The following NFAT5 variants were observed in gnomAD, a reference collection of about 807,000 sequenced individuals.
NFAT5 encodes the protein nuclear factor of activated T-cells 5.
Under a neutral mutation model 166.5 loss-of-function variants are expected in NFAT5, and 31 were observed. The observed-to-expected ratio is 0.19, with a 90% CI of 0.14 to 0.25. The LOEUF (loss-of-function observed/expected upper bound fraction) is 0.25, where lower values mean the gene tolerates loss of function less well. Among genes scored for constraint, NFAT5 ranks in the 10% least tolerant of loss-of-function variants. The probability of loss-of-function intolerance (pLI) is 1.00; values close to 1 mark genes in which losing one functional copy is unlikely to be tolerated. For synonymous variants in NFAT5, 612 were observed against 639.7 expected (o/e 0.96, Z 0.65); for missense variants, 1,449 against 1,821.8 (o/e 0.80, Z 3.72).
In NFAT5 at chr16:69,566,459, G is replaced by C; in HGVS notation, c.73+85G>C. 8.4e-7 allele frequency: 1 copy of C among 1,191,440 alleles called. No individual in the cohort carries two copies. The highest frequency in any genetic ancestry group is 1.3e-5 in the South Asian group (1 of 76,560). 73.8% of individuals were successfully genotyped at this position (1,191,440 alleles called of 1,614,324 possible). A position where few individuals can be genotyped will look rare whatever the true frequency, so the allele number is the denominator to read the frequency against. ...GGGCCAGGGGAGGCGAGGGGTCCCC[G>C]TCCCGCCGGGGGCGGCTGAGCCGCG... On this transcript the variant is annotated intron_variant, in intron 1 of 14. Coordinates refer to ENST00000349945, the MANE Select transcript of NFAT5 (RefSeq NM_138713.4). The surrounding 1 kb of genome is among the most constrained non-coding windows in gnomAD (Gnocchi z 5.7).
chr16:69,669,960 C>G lies in NFAT5; in HGVS notation c.1370-17C>G. The G allele has an allele frequency of 6.4e-7, 1 of 1,555,134 alleles. No homozygotes were observed. The highest frequency in any genetic ancestry group is 8.6e-7 in the Non-Finnish European group (1 of 1,159,610). The stretch of plus-strand genomic sequence containing the variant: ...TTTTGGTGGTTCTTCTTATAGAATG[C>G]TTATGTATCTCCACAGCTCAGCCAG... On this transcript the variant is annotated splice_polypyrimidine_tract_variant and intron_variant, in intron 7 of 14. Transcript: ENST00000349945.
chr16:69,621,641 G>A (rs1245090999), intron 2 of NFAT5, among the ~76,000 whole-genome samples: 1 of 152,010 alleles, frequency 6.6e-6, no homozygotes, highest in African/African-American at 2.4e-5. Flanking sequence ...TGAAGTAGCC[G>A]GCACTTATTT....
At chr16:69,662,347 A>T (rs890783026) in intron 7 of NFAT5, among the ~76,000 whole-genome samples, 1 of 151,664 alleles carries the variant, frequency 6.6e-6, no homozygotes, top group Admixed American at 6.6e-5. Context: ...GAAGGATATG[A>T]TTCTTTTGGG....
At position 69,581,214 on chromosome 16, in the gene NFAT5, G is replaced by GT. The variant is rs1223466377; in HGVS notation, c.127+12667dup. Among the ~76,000 whole-genome samples, 4 of 152,178 alleles carry GT rather than the reference G, an allele frequency of 2.6e-5. No homozygotes were observed. The East Asian group carries it at 7.7e-4, about 29-fold the overall frequency. ...TGCCACCACGCCAGGCTAATTTTTT[G>GT]TATTTTTAGTAGAGGTGGGGTTTTG... On this transcript the variant is annotated intron_variant, in intron 2 of 14. Coordinates refer to ENST00000349945, the MANE Select transcript of NFAT5 (RefSeq NM_138713.4).
chr16:69,662,146 A>G (rs1027274115), intron 7 of NFAT5, among the ~76,000 whole-genome samples: 1 of 152,202 alleles, frequency 6.6e-6, no homozygotes, highest in Non-Finnish European at 1.5e-5. Context: ...TAGCTGTGTG[A>G]ATAAAGTACA....
chr16:69,686,226 G>A (rs901101985), intron 11 of NFAT5, among the ~76,000 whole-genome samples: 2 of 151,950 alleles, frequency 1.3e-5, no homozygotes, highest in African/African-American at 2.4e-5. Context: ...GGTGATGTGT[G>A]CCTGTAATCC....
In NFAT5 at chr16:69,596,628, G is replaced by A. The variant is rs569348581; in HGVS notation, c.127+28080G>A. Among the ~76,000 whole-genome samples the A allele has an allele frequency of 2.2e-4, 34 of 151,210 alleles. No individual in the cohort carries two copies. The South Asian group carries it at 6.5e-3, about 29-fold the overall frequency. Reference sequence around the variant, plus strand: ...AGCTACTCAGGAGGCTGACGCAGGAGAATCGCTTGAACCCGGGAGGCAGAG... The same window carrying A: ...AGCTACTCAGGAGGCTGACGCAGGAAAATCGCTTGAACCCGGGAGGCAGAG... On this transcript the variant is annotated intron_variant, in intron 2 of 14. Coordinates refer to ENST00000349945, the MANE Select transcript of NFAT5 (RefSeq NM_138713.4).
At chr16:69,662,662 G>A (rs974177738) in intron 7 of NFAT5, among the ~76,000 whole-genome samples, 3 of 151,874 alleles carry the variant, frequency 2.0e-5, no homozygotes, top group Non-Finnish European at 2.9e-5. Context: ...GGGTTTCACC[G>A]TGTTAGCCAG....
intron 2 of NFAT5, among the ~76,000 whole-genome samples, chr16:69,594,524 C>T (rs1188319329): frequency 6.6e-6 from 1 of 152,132 alleles, no homozygotes; most frequent in African/African-American, 2.4e-5. Flanking sequence ...ACTTGATCTA[C>T]AATGTCAGTA....
At chr16:69,690,063 G>C (rs2037489465) in intron 11 of NFAT5, among the ~76,000 whole-genome samples, 1 of 152,206 alleles carries the variant, frequency 6.6e-6, no homozygotes. Context: ...GCTCAACTCA[G>C]AAGACTGTCA....
intron 2 of NFAT5, among the ~76,000 whole-genome samples, chr16:69,617,063 C>T (rs1268338100): frequency 1.3e-5 from 2 of 151,878 alleles, no homozygotes; most frequent in Admixed American, 6.6e-5. Context: ...CCTGCCTCAG[C>T]CTCCCGAGTA....
rs1203447949 is a variant in NFAT5 at position 69,691,983 on chromosome 16, G to A, written c.2158G>A (p.Asp720Asn). The A allele has an allele frequency of 2.5e-6, 4 of 1,613,994 alleles. No homozygotes were observed. Among genetic ancestry groups the A allele is most frequent in the Middle Eastern group, 1.6e-4 (1 of 6,084 alleles). Residue 720 changes from aspartate (D) to asparagine (N), a missense_variant, in exon 13 of 15, where the codon GAT becomes AAT. Coordinates refer to ENST00000349945, the MANE Select transcript of NFAT5 (RefSeq NM_138713.4). ...VSASSQLPNS[D>N]ALLQQATQFQ... is the part of the protein sequence containing the mutation. Reference sequence around the variant, plus strand: ...TGCTTCTAGTCAGCTGCCCAACAGCGATGCACTATTGCAGCAGGCTACACA... The same window carrying A: ...TGCTTCTAGTCAGCTGCCCAACAGCAATGCACTATTGCAGCAGGCTACACA...
intron 6 of NFAT5, among the ~76,000 whole-genome samples, chr16:69,659,499 A>AT (rs971596967): frequency 6.6e-6 from 1 of 151,870 alleles, no homozygotes; most frequent in Admixed American, 6.6e-5. Context: ...TAGTGATTTT[A>AT]TTTTTTTTAC....
In NFAT5 at chr16:69,647,031, C is replaced by T. The variant is rs1295237106; in HGVS notation, c.257C>T (p.Ala86Val). Residue 86 changes from alanine (A) to valine (V), a missense_variant, in exon 4 of 15, where the codon GCT (alanine) becomes GTT (valine). Physicochemically the swap from Ala to Val is moderately conservative, Grantham distance 64. Around this residue, in one of 7 missense-constraint regions of NFAT5, gnomAD observed 172 missense variants for 194.5 expected, o/e 0.88. Transcript: ENST00000349945. The surrounding 1 kb of genome is among the most constrained non-coding windows in gnomAD (Gnocchi z 4.8). Reference sequence around the variant, plus strand: ...ACTCTTGAATTGTACACTGCAGATGCTTCTTCAGCTCCCTCCTCTTCCTCC... The same window carrying T: ...ACTCTTGAATTGTACACTGCAGATGTTTCTTCAGCTCCCTCCTCTTCCTCC... ...SPPPAVVAAD[A>V]SSAPSSSSMG... 6 of 1,573,314 alleles carry T rather than the reference C, an allele frequency of 3.8e-6. No individual in the cohort carries two copies. Among genetic ancestry groups the T allele is most frequent in the Non-Finnish European group, 5.2e-6 (6 of 1,156,664 alleles).
intron 2 of NFAT5, among the ~76,000 whole-genome samples, chr16:69,610,146 C>T (rs9936464): frequency 6.6e-6 from 1 of 151,880 alleles, no homozygotes; most frequent in African/African-American, 2.4e-5. Flanking sequence ...AAAGTGAAGA[C>T]CCTGAGATAT....
chr16:69,651,791 C>T (rs770678670), intron 4 of NFAT5, among the ~76,000 whole-genome samples: 3 of 151,954 alleles, frequency 2.0e-5, no homozygotes, highest in Non-Finnish European at 4.4e-5. Context: ...CTGCCTCAGC[C>T]TCCCGAGTAG....
chr16:69,576,051 C>G (rs2142912960), intron 2 of NFAT5, among the ~76,000 whole-genome samples: 1 of 151,744 alleles, frequency 6.6e-6, no homozygotes, highest in African/African-American at 2.4e-5. Flanking sequence ...GCCTGTAATC[C>G]CAGCACTTTG....
intron 2 of NFAT5, among the ~76,000 whole-genome samples, chr16:69,571,128 C>CAAAAAA (rs2016405929): frequency 2.7e-5 from 1 of 36,746 alleles, no homozygotes; most frequent in East Asian, 1.4e-3. Context: ...CCCATCTCTA[C>CAAAAAA]TAAAAAAAAA....
At chr16:69,592,849 T>G (rs2032558529) in intron 2 of NFAT5, among the ~76,000 whole-genome samples, 1 of 152,116 alleles carries the variant, frequency 6.6e-6, no homozygotes, top group Non-Finnish European at 1.5e-5. Flanking sequence ...GCTTTCAGAG[T>G]AGAGTAGGGT....
Sources: allele counts gnomAD v4.1 joint callset (sites outside exome capture counted in the v4.1 genomes callset), GRCh38; gene constraint gnomAD v4.1.1; regional missense constraint gnomAD v4.1.1; non-coding constraint Gnocchi (gnomAD v3.1); transcripts MANE v1.5; gene names NCBI Gene and HGNC (gene_info 2026-07-23, HGNC 2026-07-21).